Variants in ERAP1 observed in about 807,000 individuals in gnomAD.
ERAP1 encodes the protein adipocyte-derived leucine aminopeptidase.
Under a neutral mutation model 103.7 loss-of-function variants are expected in ERAP1, and 86 were observed. The ratio of observed to expected loss-of-function variants is 0.83; its 90% CI spans 0.70 to 0.99. The LOEUF is 0.99. Among genes scored for constraint, ERAP1 ranks in the 50% least tolerant of loss-of-function variants. The pLI is 0.00. For missense variants in ERAP1, 1,009 were observed against 1,128.4 expected (o/e 0.89, Z 1.52); for synonymous variants, 398 against 402.4 (o/e 0.99, Z 0.13).
At chr5:96,891,462 CAT>C in the ERAP1 span, among the ~76,000 whole-genome samples, 10 of 145,032 alleles carry the variant, frequency 6.9e-5, no homozygotes, top group East Asian at 6.1e-4. Flanking sequence ...CACACACACA[CAT>C]ATACAGGTAT....
chr5:96,892,150 G>C, the ERAP1 span: 39 of 721,124 alleles, frequency 5.4e-5, no homozygotes, highest in Middle Eastern at 1.2e-3. Flanking sequence ...GCAACTATAA[G>C]ACACCCTGTC....
the ERAP1 span, chr5:96,879,441 T>C: frequency 2.4e-6 from 1 of 422,050 alleles, no homozygotes; most frequent in African/African-American, 2.0e-5. Context: ...TTGTGGATAC[T>C]TGGCCTAATT....
chr5:96,853,349 A>G, the ERAP1 span, among the ~76,000 whole-genome samples: 7 of 152,188 alleles, frequency 4.6e-5, no homozygotes, highest in Non-Finnish European at 1.0e-4. Context: ...GATCTAGACT[A>G]TAGTGGAAAG....
chr5:96,768,198 C>G (rs1770750436), intron 19 of ERAP1, among the ~76,000 whole-genome samples: 1 of 152,140 alleles, frequency 6.6e-6, no homozygotes, highest in Non-Finnish European at 1.5e-5. Context: ...ATCCTCCTAC[C>G]TTAGCTTCCT....
chr5:96,906,363 C>A, the ERAP1 span, among the ~76,000 whole-genome samples: 1 of 152,092 alleles, frequency 6.6e-6, no homozygotes, highest in Non-Finnish European at 1.5e-5. Context: ...ACCTCCTGGG[C>A]TCAAGCGATC....
the ERAP1 span, among the ~76,000 whole-genome samples, chr5:96,869,742 A>AT: frequency 2.6e-5 from 4 of 152,334 alleles, no homozygotes; most frequent in African/African-American, 9.6e-5. Context: ...CTGTGGAGCT[A>AT]TTGTAAGGTG....
the ERAP1 span, among the ~76,000 whole-genome samples, chr5:96,843,704 G>C: frequency 2.0e-5 from 3 of 152,032 alleles, no homozygotes; most frequent in African/African-American, 7.3e-5. Context: ...CCACCAAATG[G>C]ATCCACTGGC....
At position 96,775,855 on chromosome 5, in the gene ERAP1, C is replaced by T; in HGVS notation, c.*541G>A. The T allele has an allele frequency of 1.5e-6, 1 of 665,968 alleles. No individual in the cohort carries two copies. Among genetic ancestry groups the T allele is most frequent in the South Asian group, 6.5e-5 (1 of 15,322 alleles). The allele number at this position is 665,968 out of a possible 1,614,324, so 41.3% of individuals were successfully genotyped here. On this transcript the variant is annotated 3_prime_UTR_variant, in exon 19 of 19. Transcript: ENST00000443439. ...AGCTCTCCGGCTCCCCACTGACCAA[C>T]ATCCAAAGGGCAAGAAAGCTTGATG...
chr5:96,841,344 C>A, the ERAP1 span, among the ~76,000 whole-genome samples: 1 of 152,218 alleles, frequency 6.6e-6, no homozygotes, highest in East Asian at 1.9e-4. Context: ...AAAGTGTACA[C>A]AAACTGAGTC....
the ERAP1 span, among the ~76,000 whole-genome samples, chr5:96,922,288 A>G: frequency 6.6e-6 from 1 of 151,948 alleles, no homozygotes; most frequent in Non-Finnish European, 1.5e-5. Context: ...ACAGAGAGAG[A>G]CTCCGTCTCA....
the ERAP1 span, among the ~76,000 whole-genome samples, chr5:96,851,971 T>C: frequency 6.6e-6 from 1 of 152,182 alleles, no homozygotes; most frequent in African/African-American, 2.4e-5. Context: ...GCAAGCCGTC[T>C]GACAGCTGAG....
chr5:96,895,861 T>A, the ERAP1 span, among the ~76,000 whole-genome samples: 1 of 152,190 alleles, frequency 6.6e-6, no homozygotes, highest in Non-Finnish European at 1.5e-5. Context: ...ATCAAGGTGG[T>A]TAGTAATGGT....
chr5:96,814,496 G>C, the ERAP1 span, among the ~76,000 whole-genome samples: 1 of 152,134 alleles, frequency 6.6e-6, no homozygotes, highest in African/African-American at 2.4e-5. Flanking sequence ...AAAATAACTG[G>C]TGAGTGGATA....
intron 15 of ERAP1, among the ~76,000 whole-genome samples, chr5:96,782,234 C>A (rs1775313455): frequency 6.6e-6 from 1 of 152,016 alleles, no homozygotes; most frequent in African/African-American, 2.4e-5. Context: ...TGGTCTTGAT[C>A]CCCTGACCTC....
At chr5:96,792,738 C>G (rs1294910367) in intron 7 of ERAP1, among the ~76,000 whole-genome samples, 2 of 151,886 alleles carry the variant, frequency 1.3e-5, no homozygotes, top group South Asian at 4.1e-4. Context: ...TAATTATGTA[C>G]ACAGGCAGAT....
chr5:96,893,771 T>G, the ERAP1 span, among the ~76,000 whole-genome samples: 3 of 152,196 alleles, frequency 2.0e-5, no homozygotes, highest in Non-Finnish European at 4.4e-5. Flanking sequence ...GGCAAAGATT[T>G]CCTCATGCCA....
the ERAP1 span, chr5:96,889,218 C>T: frequency 7.4e-6 from 12 of 1,614,154 alleles, no homozygotes; most frequent in Non-Finnish European, 1.0e-5. Flanking sequence ...CAAACGGAAT[C>T]AAACACATTA....
chr5:96,786,997 C>CA (rs1186745741), intron 11 of ERAP1, among the ~76,000 whole-genome samples: 1 of 152,056 alleles, frequency 6.6e-6, no homozygotes, highest in African/African-American at 2.4e-5. Flanking sequence ...CAGTACTCTT[C>CA]AAAAAATGTC....
exon 20 of ERAP1, chr5:96,762,352 GC>G: frequency 6.2e-7 from 1 of 1,601,270 alleles, no homozygotes; most frequent in Non-Finnish European, 8.5e-7. Flanking sequence ...CCAAGCTGGA[GC>G]CCCACCCCGT....
Sources: gnomAD v4.1 joint callset for allele counts (sites outside exome capture counted in the v4.1 genomes callset) on GRCh38, gnomAD v4.1.1 for gene constraint, MANE v1.5 for transcripts, NCBI Gene and HGNC (gene_info 2026-07-23, HGNC 2026-07-21) for gene names.